The following NRG3 variants were observed in gnomAD, a reference collection of about 807,000 sequenced individuals.
NRG3 encodes the protein neuregulin 3.
Under a neutral mutation model 66.9 loss-of-function variants are expected in NRG3, and 31 were observed. The ratio of observed to expected loss-of-function variants is 0.46; its 90% CI spans 0.35 to 0.63. NRG3 has a LOEUF of 0.63. Ranked by LOEUF, NRG3 falls within the 20% of genes least tolerant of loss-of-function variation. NRG3 has a pLI of 0.00. For missense variants in NRG3, 910 were observed against 878.9 expected (o/e 1.04, Z -0.45); for synonymous variants, 393 against 359.4 (o/e 1.09, Z -1.06).
intron 1 of NRG3, among the ~76,000 whole-genome samples, chr10:82,163,584 T>G (rs1177908261): frequency 6.6e-6 from 1 of 152,174 alleles, no homozygotes; most frequent in Non-Finnish European, 1.5e-5. Context: ...ATGGGAAATC[T>G]CTGGTATGTC....
intron 4 of NRG3, among the ~76,000 whole-genome samples, chr10:82,883,397 G>C (rs900172851): frequency 9.2e-5 from 14 of 152,114 alleles, no homozygotes; most frequent in African/African-American, 2.7e-4. Flanking sequence ...CTGTCTGTCT[G>C]TATAGCACAA....
chr10:82,298,767 A>G (rs2080223755), intron 1 of NRG3, among the ~76,000 whole-genome samples: 1 of 152,142 alleles, frequency 6.6e-6, no homozygotes, highest in Non-Finnish European at 1.5e-5. Context: ...TTGTCTACCT[A>G]TGGCAGCAAG....
chr10:82,914,258 A>G (rs1458323448), intron 4 of NRG3, among the ~76,000 whole-genome samples: 1 of 152,110 alleles, frequency 6.6e-6, no homozygotes, highest in Non-Finnish European at 1.5e-5. Context: ...TTTTCTGATC[A>G]TTTAAAAATC....
chr10:82,950,783 A>C (rs1849448513), intron 4 of NRG3, among the ~76,000 whole-genome samples: 1 of 152,194 alleles, frequency 6.6e-6, no homozygotes, highest in African/African-American at 2.4e-5. Flanking sequence ...ACAGGTTAAG[A>C]AAGGACCTAG....
intron 2 of NRG3, among the ~76,000 whole-genome samples, chr10:82,379,800 T>G (rs1200295038): frequency 6.6e-6 from 1 of 151,318 alleles, no homozygotes; most frequent in East Asian, 1.9e-4. Context: ...GTCTCTGACA[T>G]TGTAGGAGAA....
intron 4 of NRG3, among the ~76,000 whole-genome samples, chr10:82,917,570 G>C (rs1845962058): frequency 6.6e-6 from 1 of 152,108 alleles, no homozygotes; most frequent in African/African-American, 2.4e-5. Context: ...TCTGGTGCCT[G>C]TCCTTTCCCA....
At chr10:82,635,483 T>C (rs1590960436) in intron 2 of NRG3, among the ~76,000 whole-genome samples, 1 of 151,818 alleles carries the variant, frequency 6.6e-6, no homozygotes, top group South Asian at 2.1e-4. Flanking sequence ...CTTCTGAGGG[T>C]GCTGTAGGTC....
At chr10:82,350,696 T>A (rs1028492907) in intron 1 of NRG3, among the ~76,000 whole-genome samples, 3 of 152,174 alleles carry the variant, frequency 2.0e-5, no homozygotes, top group African/African-American at 7.2e-5. Context: ...CCATATGTGT[T>A]CCAGTATTAT....
At chr10:82,085,607 C>T (rs984242248) in intron 1 of NRG3, among the ~76,000 whole-genome samples, 2 of 151,986 alleles carry the variant, frequency 1.3e-5, no homozygotes, top group Non-Finnish European at 2.9e-5. Context: ...CCAGCCTACT[C>T]CCATGGTCAA....
In NRG3 at chr10:82,532,640, T is replaced by C. The variant is rs555211697; in HGVS notation, c.953+173772T>C. Among the ~76,000 whole-genome samples the C allele has an allele frequency of 4.0e-5, 6 of 149,048 alleles. No homozygotes were observed. In the South Asian group the frequency reaches 1.3e-3, roughly 32 times the overall value. ...CTATATAGAGAGAGTACTATATATA[T>C]ATGCATATATGTATATATCTCTCAT... On this transcript the variant is annotated intron_variant, in intron 2 of 8. Coordinates refer to ENST00000372141, the MANE Select transcript of NRG3 (RefSeq NM_001010848.4).
intron 2 of NRG3, among the ~76,000 whole-genome samples, chr10:82,469,820 T>C (rs1004264366): frequency 8.6e-5 from 13 of 151,892 alleles, no homozygotes; most frequent in African/African-American, 1.5e-4. Flanking sequence ...ATGGTGAAAA[T>C]GAATGGATAT....
Position 82,985,328 on chromosome 10 carries a change from A to C in NRG3, c.1814A>C (p.Tyr605Ser). The part of the protein sequence containing the change: ...VKSIKWCKNS[Y>S]SADVVNVSIP... ...AGCATCAAATGGTGCAAAAACTCCT[A>C]TTCAGCTGACGTTGTCAATGTGAGT... The change falls in exon 9 of 9, where the codon TAT becomes TCT. Residue 605 changes from tyrosine (Y) to serine (S), a missense_variant. By Grantham distance (144) the Tyr-to-Ser change is moderately radical. Coordinates refer to ENST00000372141, the MANE Select transcript of NRG3 (RefSeq NM_001010848.4). 1 of 1,614,152 alleles carries C rather than the reference A, an allele frequency of 6.2e-7. No individual in the cohort carries two copies. Among genetic ancestry groups the C allele is most frequent in the East Asian group, 2.2e-5 (1 of 44,878 alleles).
intron 2 of NRG3, among the ~76,000 whole-genome samples, chr10:82,475,876 G>T (rs907071280): frequency 2.6e-5 from 4 of 152,074 alleles, no homozygotes; most frequent in African/African-American, 9.7e-5. Context: ...ATGCATTAAA[G>T]AATGTTATCA....
intron 2 of NRG3, among the ~76,000 whole-genome samples, chr10:82,475,621 T>A (rs1021673031): frequency 6.6e-6 from 1 of 152,142 alleles, no homozygotes; most frequent in Non-Finnish European, 1.5e-5. Flanking sequence ...AAAATTATAT[T>A]GGAAAAATTG....
intron 1 of NRG3, among the ~76,000 whole-genome samples, chr10:81,989,313 ATAGT>A (rs530800761): frequency 2.4e-4 from 36 of 152,232 alleles, no homozygotes; most frequent in African/African-American, 7.2e-4. Flanking sequence ...CAGTCTATAG[ATAGT>A]TAGAGTTAGT....
At chr10:82,346,002 A>T (rs921017995) in intron 1 of NRG3, among the ~76,000 whole-genome samples, 1 of 152,168 alleles carries the variant, frequency 6.6e-6, no homozygotes, top group Admixed American at 6.5e-5. Context: ...CAATCATGTC[A>T]TCTGCAAACA....
chr10:82,639,602 A>C (rs1355862021), intron 2 of NRG3, among the ~76,000 whole-genome samples: 1 of 152,178 alleles, frequency 6.6e-6, no homozygotes, highest in Non-Finnish European at 1.5e-5. Context: ...TTTTCATTGA[A>C]ATTTTTCAAA....
chr10:82,363,316 C>A (rs944035252), intron 2 of NRG3, among the ~76,000 whole-genome samples: 2 of 152,122 alleles, frequency 1.3e-5, no homozygotes, highest in Non-Finnish European at 2.9e-5. Flanking sequence ...TTAAAAGTGA[C>A]TACTATACCC....
intron 2 of NRG3, among the ~76,000 whole-genome samples, chr10:82,392,968 T>A (rs1014497244): frequency 1.3e-5 from 2 of 151,674 alleles, no homozygotes; most frequent in African/African-American, 4.9e-5. Flanking sequence ...ATTAAGAAAG[T>A]TGTTTGTTGA....
Sources: gnomAD v4.1 joint callset for allele counts (sites outside exome capture counted in the v4.1 genomes callset) on GRCh38, gnomAD v4.1.1 for gene constraint, MANE v1.5 for transcripts, NCBI Gene and HGNC (gene_info 2026-07-23, HGNC 2026-07-21) for gene names.